Variants in NEGR1 observed in about 807,000 individuals in gnomAD.
NEGR1 encodes neuronal growth regulator 1.
A neutral mutation model predicts 40.9 loss-of-function variants in NEGR1; 10 were observed. The observed-to-expected ratio is 0.24, with a 90% CI of 0.15 to 0.42. NEGR1 has a LOEUF of 0.42. Ranked by LOEUF, NEGR1 falls within the 10% of genes least tolerant of loss-of-function variation. NEGR1 has a pLI of 1.00. For missense variants in NEGR1, 352 were observed against 438.9 expected, an observed-to-expected ratio of 0.80 and a Z score of 1.77; for synonymous variants, 185 against 166.8, an observed-to-expected ratio of 1.11 and a Z score of -0.84.
At chr1:71,694,874 T>A (rs371901822) in intron 4 of NEGR1, among the ~76,000 whole-genome samples, 243 of 151,816 alleles carry the variant, frequency 1.6e-3, no homozygotes, top group Non-Finnish European at 2.9e-3. Flanking sequence ...ATGCGCACAA[T>A]CAATATTGAT....
At chr1:71,844,924 A>C (rs1325411098) in intron 2 of NEGR1, among the ~76,000 whole-genome samples, 4 of 152,194 alleles carry the variant, frequency 2.6e-5, no homozygotes, top group African/African-American at 9.6e-5. Context: ...GGATATAGTC[A>C]AGAAAGTGCC....
chr1:72,074,676 A>C (rs886815981), intron 1 of NEGR1, among the ~76,000 whole-genome samples: 1 of 152,146 alleles, frequency 6.6e-6, no homozygotes, highest in Admixed American at 6.6e-5. Flanking sequence ...ATTAAGCATA[A>C]TTTTATTAAA....
At chr1:71,768,117 G>A (rs771039548) in intron 3 of NEGR1, among the ~76,000 whole-genome samples, 1 of 152,168 alleles carries the variant, frequency 6.6e-6, no homozygotes, top group Non-Finnish European at 1.5e-5. Context: ...GCAAATGTGG[G>A]GTCAGAGCCG....
In NEGR1 at chr1:71,592,887, C is replaced by T. The variant is rs753739906; in HGVS notation, c.870G>A (p.Glu290=). The T allele has an allele frequency of 6.2e-7, 1 of 1,612,056 alleles. No individual in the cohort carries two copies. Among genetic ancestry groups the T allele is most frequent in the Admixed American group, 1.7e-5 (1 of 59,992 alleles). Residue 290 remains glutamate (E), a synonymous_variant, in exon 6 of 7, where the codon GAG becomes GAA. Coordinates refer to ENST00000357731, the MANE Select transcript of NEGR1 (RefSeq NM_173808.3). The stretch of plus-strand genomic sequence containing the variant: ...CCACACAGGTATAATTGCCGAAGTG[C>T]TCCTGTGTCACGTTGGTAACAGTGA... ...SILTVTNVTQ[E]HFGNYTCVAA... is the part of the protein sequence containing the mutation.
intron 1 of NEGR1, among the ~76,000 whole-genome samples, chr1:72,022,668 T>C (rs1382104932): frequency 3.3e-5 from 5 of 152,012 alleles, no homozygotes; most frequent in African/African-American, 1.2e-4. Flanking sequence ...CATGACCCGG[T>C]ATTTGCTACC....
chr1:72,056,185 G>A (rs1014345782), intron 1 of NEGR1, among the ~76,000 whole-genome samples: 5 of 151,020 alleles, frequency 3.3e-5, no homozygotes, highest in African/African-American at 9.7e-5. Flanking sequence ...TCTTGTTTTA[G>A]CTAATAACTT....
At chr1:71,858,943 G>C (rs1456375749) in intron 2 of NEGR1, among the ~76,000 whole-genome samples, 1 of 151,930 alleles carries the variant, frequency 6.6e-6, no homozygotes, top group Non-Finnish European at 1.5e-5. Context: ...ATTATCTCAT[G>C]CCTGGTTCCC....
intron 1 of NEGR1, among the ~76,000 whole-genome samples, chr1:72,119,990 A>G (rs1649736611): frequency 6.6e-6 from 1 of 152,016 alleles, no homozygotes; most frequent in African/African-American, 2.4e-5. Context: ...ATTAATTACG[A>G]AAAATGACTC....
At chr1:72,158,546 A>G (rs981438412) in intron 1 of NEGR1, among the ~76,000 whole-genome samples, 14 of 152,210 alleles carry the variant, frequency 9.2e-5, no homozygotes, top group Admixed American at 8.5e-4. Flanking sequence ...CACTCAACAG[A>G]TCACTCAATG....
chr1:72,054,584 G>T (rs1647093694), intron 1 of NEGR1, among the ~76,000 whole-genome samples: 1 of 151,152 alleles, frequency 6.6e-6, no homozygotes, highest in African/African-American at 2.4e-5. Context: ...GTATTTAATT[G>T]TTTTGATGAC....
At chr1:71,883,834 T>C (rs971685143) in intron 2 of NEGR1, among the ~76,000 whole-genome samples, 2 of 151,302 alleles carry the variant, frequency 1.3e-5, no homozygotes, top group Non-Finnish European at 2.9e-5. Flanking sequence ...TGTTTGGTTT[T>C]CTGTCTAAAG....
At chr1:71,491,723 C>A (rs1462973277) in intron 6 of NEGR1, among the ~76,000 whole-genome samples, 1 of 152,026 alleles carries the variant, frequency 6.6e-6, no homozygotes, top group Non-Finnish European at 1.5e-5. Flanking sequence ...AGCAAATGTT[C>A]TTTCATTCCC....
At chr1:71,447,235 G>A (rs992313740) in intron 6 of NEGR1, among the ~76,000 whole-genome samples, 4 of 152,096 alleles carry the variant, frequency 2.6e-5, no homozygotes, top group African/African-American at 7.2e-5. Flanking sequence ...AACAACCTTC[G>A]CCAAGTCCTT....
intron 1 of NEGR1, among the ~76,000 whole-genome samples, chr1:72,161,466 T>A (rs370766344): frequency 1.3e-5 from 2 of 151,708 alleles, no homozygotes; most frequent in South Asian, 4.2e-4. Flanking sequence ...ATTAGAAGAG[T>A]GTTACAGTGA....
In NEGR1 at chr1:72,282,442, G is replaced by A. The variant is rs199585673; in HGVS notation, c.53C>T (p.Ala18Val). ...GCAGCACAGGCTGAGGAGCACCGCC[G>A]CCAGCCACTGGTTCGAGCAACAAGC... is the stretch of plus-strand genomic sequence containing the variant. The part of the protein sequence containing the change: ...QGACCSNQWL[A>V]AVLLSLCCLL... Residue 18 changes from alanine to valine, a missense_variant, in exon 1 of 7, where the codon GCG (alanine) becomes GTG (valine). By Grantham distance (64) the Ala-to-Val change is moderately conservative. This residue lies in a region of NEGR1 where 81 missense variants were observed against 85.8 expected (regional missense o/e 0.94). Coordinates refer to ENST00000357731, the MANE Select transcript of NEGR1 (RefSeq NM_173808.3). The A allele has an allele frequency of 6.2e-7, 1 of 1,610,828 alleles. No homozygotes were observed. The highest frequency in any genetic ancestry group is 1.3e-5 in the African/African-American group (1 of 74,748).
At chr1:71,945,165 T>A (rs1235074481) in intron 1 of NEGR1, among the ~76,000 whole-genome samples, 1 of 152,184 alleles carries the variant, frequency 6.6e-6, no homozygotes, top group Admixed American at 6.6e-5. Context: ...CTTTCTTGTG[T>A]ACTAGGCCTG....
intron 6 of NEGR1, among the ~76,000 whole-genome samples, chr1:71,481,002 T>G (rs1646850488): frequency 6.6e-6 from 1 of 151,948 alleles, no homozygotes; most frequent in Non-Finnish European, 1.5e-5. Flanking sequence ...TTCCTTTATT[T>G]TATATAATAG....
chr1:71,758,875 T>C (rs1655835800), intron 3 of NEGR1, among the ~76,000 whole-genome samples: 1 of 152,196 alleles, frequency 6.6e-6, no homozygotes, highest in Admixed American at 6.5e-5. Context: ...TATCTGTGTA[T>C]AAAATTAGCC....
intron 6 of NEGR1, chr1:71,487,205 CAGG>C (rs963578527): frequency 6.6e-6 from 1 of 151,628 alleles, no homozygotes; most frequent in African/African-American, 2.4e-5. Flanking sequence ...AGAGCAGAAT[CAGG>C]AGTTCTTGCT....
Sources: gnomAD v4.1 joint callset for allele counts (sites outside exome capture counted in the v4.1 genomes callset) on GRCh38, gnomAD v4.1.1 for gene constraint, gnomAD v4.1.1 regional missense constraint, MANE v1.5 for transcripts, NCBI Gene and HGNC (gene_info 2026-07-23, HGNC 2026-07-21) for gene names.